The following PALB2 variants were observed in gnomAD, a reference collection of about 807,000 sequenced individuals.
PALB2 encodes the protein partner and localizer of BRCA2.
A neutral mutation model predicts 107.4 loss-of-function variants in PALB2; 82 were observed. The observed-to-expected ratio is 0.76, with a 90% confidence interval of 0.64 to 0.92. The LOEUF (loss-of-function observed/expected upper bound fraction) is 0.92, where lower values mean the gene tolerates loss of function less well. Among genes scored for constraint, PALB2 ranks in the 40% least tolerant of loss-of-function variants. PALB2 has a pLI of 0.00. For missense variants in PALB2, 1,374 were observed against 1,379.9 expected, an observed-to-expected ratio of 1.00 and a Z score of 0.07; for synonymous variants, 489 against 496.8, an observed-to-expected ratio of 0.98 and a Z score of 0.21.
chr16:23,630,960 A>T (rs1386321339), intron 4 of PALB2, among the ~76,000 whole-genome samples: 2 of 151,442 alleles, frequency 1.3e-5, no homozygotes, highest in Non-Finnish European at 2.9e-5. Context: ...ATAAATAAAT[A>T]AATAAAAATT....
rs1966956742 is a variant in PALB2 at position 23,634,978 on chromosome 16, G to A, written c.1568C>T (p.Ala523Val). Residue 523 changes from alanine (A) to valine (V), a missense_variant, in exon 4 of 13, where the codon GCA becomes GTA. Physicochemically the swap from Ala to Val is moderately conservative, Grantham distance 64 (BLOSUM62 0). Coordinates refer to ENST00000261584, the MANE Select transcript of PALB2 (RefSeq NM_024675.4). ...TGKRKSACTP[A>V]SDHCEPLLPT... Reference sequence around the variant, plus strand: ...CAAAAGTGGTTCACAATGATCTGATGCTGGGGTGCAGGCTGATTTTCTTTT... The same window carrying A: ...CAAAAGTGGTTCACAATGATCTGATACTGGGGTGCAGGCTGATTTTCTTTT... 6.2e-7 allele frequency: 1 copy of A among 1,614,190 alleles called. No individual in the cohort carries two copies. The highest frequency in any genetic ancestry group is 8.5e-7 in the Non-Finnish European group (1 of 1,180,038).
In PALB2 at chr16:23,634,877, A is replaced by G. The variant is rs1326785676; in HGVS notation, c.1669T>C (p.Phe557Leu). The change falls in exon 4 of 13, where the codon TTT (phenylalanine) becomes CTT (leucine). Residue 557 changes from phenylalanine (F) to leucine (L), a missense_variant. Physicochemically the swap from Phe to Leu is conservative, Grantham distance 22. Transcript: ENST00000261584. ...TSHKYQHEKL[F>L]IQVKGKKSRH... Reference sequence around the variant, plus strand: ...CTTGATTTACCTTTCACTTGAATAAATAATTTTTCGTGCTGATATTTGTGT... The same window carrying G: ...CTTGATTTACCTTTCACTTGAATAAGTAATTTTTCGTGCTGATATTTGTGT... 3 of 1,613,914 alleles carry G rather than the reference A, an allele frequency of 1.9e-6. No homozygotes were observed. Among genetic ancestry groups the G allele is most frequent in the East Asian group, 4.5e-5 (2 of 44,888 alleles).
chr16:23,625,967 TGAG>T (rs1219108189), intron 7 of PALB2, among the ~76,000 whole-genome samples: 1 of 151,774 alleles, frequency 6.6e-6, no homozygotes, highest in East Asian at 1.9e-4. Context: ...CATGACAGAG[TGAG>T]ACCCTGTCTC....
chr16:23,621,867 T>G (rs1966779697), intron 9 of PALB2, among the ~76,000 whole-genome samples: 1 of 152,044 alleles, frequency 6.6e-6, no homozygotes, highest in Non-Finnish European at 1.5e-5. Flanking sequence ...TCGAGCTTGG[T>G]CACCACTCAA....
At chr16:23,622,105 GAAT>G (rs1336673632) in intron 9 of PALB2, among the ~76,000 whole-genome samples, 2 of 152,154 alleles carry the variant, frequency 1.3e-5, no homozygotes, top group African/African-American at 2.4e-5. Flanking sequence ...GAAGATACAT[GAAT>G]AATAACAATG....
At position 23,634,652 on chromosome 16, in the gene PALB2, T is replaced by TTTAA. The variant is rs1966939934; in HGVS notation, c.1684+209_1684+210insTTAA. Among the ~76,000 whole-genome samples the TTTAA allele has an allele frequency of 3.0e-5, 3 of 101,342 alleles. No individual in the cohort carries two copies. The South Asian group carries it at 9.8e-4, about 33-fold the overall frequency. 66.5% of individuals were successfully genotyped at this position (101,342 alleles called of 152,430 possible). A position where few individuals can be genotyped will look rare whatever the true frequency, so the allele number is the denominator to read the frequency against. ...CTGTCTCTTTATTTTTATTTATTTA[T>TTTAA]TTATTTATTTATTTATTTATTTATT... is the stretch of plus-strand genomic sequence containing the variant. On this transcript the variant is annotated intron_variant, in intron 4 of 12. Coordinates refer to ENST00000261584, the MANE Select transcript of PALB2 (RefSeq NM_024675.4).
chr16:23,637,994 A>C, intron 2 of PALB2, 42 bp from the exon 3 acceptor site: 1 of 1,606,784 alleles, frequency 6.2e-7, no homozygotes, highest in South Asian at 1.1e-5. Flanking sequence ...GTTTTCTTTA[A>C]AGTTTTATAG....
intron 3 of PALB2, among the ~76,000 whole-genome samples, chr16:23,636,537 G>A (rs763850227): frequency 6.6e-6 from 1 of 152,044 alleles, no homozygotes; most frequent in African/African-American, 2.4e-5. Flanking sequence ...TTACCTTTAG[G>A]AGGAATGTGT....
Position 23,634,967 on chromosome 16 carries a change from A to G in PALB2, c.1579T>C (p.Cys527Arg), listed in dbSNP as rs1597095571. The G allele has an allele frequency of 1.2e-6, 2 of 1,614,184 alleles. No homozygotes were observed. The highest frequency in any genetic ancestry group is 1.3e-5 in the African/African-American group (1 of 75,044). ...CTAGAAGTTGGCAAAAGTGGTTCAC[A>G]ATGATCTGATGCTGGGGTGCAGGCT... ...KSACTPASDH[C>R]EPLLPTSSLS... The change falls in exon 4 of 13, where the codon TGT becomes CGT. Residue 527 changes from cysteine (C) to arginine (R), a missense_variant. Coordinates refer to ENST00000261584, the MANE Select transcript of PALB2 (RefSeq NM_024675.4).
chr16:23,606,311 TG>T (rs1395570761), intron 12 of PALB2, among the ~76,000 whole-genome samples: 2 of 150,972 alleles, frequency 1.3e-5, no homozygotes, highest in Non-Finnish European at 2.9e-5. Context: ...GAAGCTGAGA[TG>T]GGAAGATGGT....
intron 8 of PALB2, 49 bp downstream of exon 8, chr16:23,623,960 C>T (rs1430872107): frequency 2.3e-6 from 3 of 1,321,780 alleles, no homozygotes; most frequent in African/African-American, 2.9e-5. Flanking sequence ...AACCAGCTGA[C>T]AGAGACAAAG....
Position 23,603,362 on chromosome 16 carries a change from T to G in PALB2, c.*97A>C, listed in dbSNP as rs185410736. ...TCTGGACATAAACAAGCAATCATTT[T>G]AAGTGTCATTCAGATATTCTCCTTT... On this transcript the variant is annotated 3_prime_UTR_variant, in exon 13 of 13. Transcript: ENST00000261584. The G allele has an allele frequency of 1.0e-6, 1 of 995,194 alleles. No homozygotes were observed. Among genetic ancestry groups the G allele is most frequent in the East Asian group, 2.4e-5 (1 of 41,570 alleles). 61.6% of individuals were successfully genotyped at this position (995,194 alleles called of 1,614,324 possible).
At position 23,614,053 on chromosome 16, in the gene PALB2, A is replaced by T. The variant is rs760373091; in HGVS notation, c.3152T>A (p.Ile1051Asn). 5 of 1,613,628 alleles carry T rather than the reference A, an allele frequency of 3.1e-6. No homozygotes were observed. The South Asian group carries it at 3.3e-5, about 11-fold the overall frequency. Reference protein sequence around the residue: ...KTGQLLKKMHIDDSYQASVCH... With the variant: ...KTGQLLKKMHNDDSYQASVCH... ...GACTGAAGCTTGGTAAGAATCATCAATGTGCATCTTTTTCAGGAGTTGACC... is the reference window on the plus strand; with the variant it reads ...GACTGAAGCTTGGTAAGAATCATCATTGTGCATCTTTTTCAGGAGTTGACC... Residue 1051 changes from isoleucine (I) to asparagine (N), a missense_variant, in exon 11 of 13, where the codon ATT (isoleucine) becomes AAT (asparagine). Physicochemically the swap from Ile to Asn is moderately radical, Grantham distance 149. Transcript: ENST00000261584.
Position 23,641,147 on chromosome 16 carries a change from G to A in PALB2, c.11C>T (p.Pro4Leu), listed in dbSNP as rs45619737. 1.9e-4 allele frequency: 303 copies of A among 1,613,144 alleles called. 1 individual carries two copies. Among genetic ancestry groups the A allele is most frequent in the Non-Finnish European group, 2.4e-4 (285 of 1,179,850 alleles). MDE[P>L]PGKPLSCEEK... ...CTCACAGCTGAGGGGCTTCCCGGGAGGCTCGTCCATCGGGCAGGCGACAGA... is the reference window on the plus strand; with the variant it reads ...CTCACAGCTGAGGGGCTTCCCGGGAAGCTCGTCCATCGGGCAGGCGACAGA... Residue 4 changes from proline (P) to leucine (L), a missense_variant, in exon 1 of 13, where the codon CCT becomes CTT. Pro to Leu is a moderately conservative substitution (Grantham distance 98). Coordinates refer to ENST00000261584, the MANE Select transcript of PALB2 (RefSeq NM_024675.4).
chr16:23,618,602 G>A (rs927930594), intron 10 of PALB2, among the ~76,000 whole-genome samples: 4 of 152,070 alleles, frequency 2.6e-5, no homozygotes, highest in African/African-American at 9.7e-5. Context: ...TTTGAGCCCA[G>A]GCATTCGAGG....
At chr16:23,638,188 G>A (rs1967114981) in intron 1 of PALB2, 59 bp from the exon 2 acceptor site, 1 of 1,387,898 alleles carries the variant, frequency 7.2e-7, no homozygotes, top group Non-Finnish European at 1.0e-6. Context: ...TCAGAGGGAA[G>A]GGATGCAGTG....
intron 8 of PALB2, among the ~76,000 whole-genome samples, chr16:23,623,501 CTTTTTTTTTTTT>C (rs1189941589): frequency 1.3e-4 from 8 of 62,548 alleles, no homozygotes; most frequent in African/African-American, 3.5e-4. Flanking sequence ...CATACCCGGC[CTTTTTTTTTTTT>C]TTTTTTTTTT....
chr16:23,616,744 G>A (rs986840919), intron 10 of PALB2, among the ~76,000 whole-genome samples: 4 of 152,142 alleles, frequency 2.6e-5, no homozygotes, highest in Non-Finnish European at 5.9e-5. Context: ...CTTACACACT[G>A]GCCCCTCAGT....
chr16:23,635,228 A>G lies in PALB2; in HGVS notation c.1318T>C (p.Phe440Leu), dbSNP rs776294034. The change falls in exon 4 of 13, where the codon TTT becomes CTT. Residue 440 changes from phenylalanine to leucine, a missense_variant. Coordinates refer to ENST00000261584, the MANE Select transcript of PALB2 (RefSeq NM_024675.4). ...QSHLDVKKKG[F>L]KNKNKDASKN... ...CTTGCATCCTTATTTTTATTTTTAA[A>G]CCCTTTTTTCTTGACATCCAAATGA... 6.2e-7 allele frequency: 1 copy of G among 1,613,884 alleles called. No homozygotes were observed. Among genetic ancestry groups the G allele is most frequent in the Admixed American group, 1.7e-5 (1 of 59,996 alleles).
Sources: allele counts gnomAD v4.1 joint callset (sites outside exome capture counted in the v4.1 genomes callset), GRCh38; gene constraint gnomAD v4.1.1; transcripts MANE v1.5; gene names NCBI Gene and HGNC (gene_info 2026-07-23, HGNC 2026-07-21).